The following KIF3A variants were observed in gnomAD, a reference collection of about 807,000 sequenced individuals.
KIF3A encodes kinesin family member 3A.
A neutral mutation model predicts 92.6 loss-of-function variants in KIF3A; 27 were observed. That is an observed-to-expected ratio of 0.29 (90% CI 0.21 to 0.40). KIF3A has a LOEUF of 0.40. KIF3A is among the 10% of genes least tolerant of loss of function. The pLI is 1.00. For missense variants in KIF3A, 581 were observed against 872.6 expected (o/e 0.67, Z 4.21); for synonymous variants, 250 against 275.4 (o/e 0.91, Z 0.92).
In KIF3A at chr5:132,702,142, C is replaced by T. The variant is rs751067708; in HGVS notation, c.1829G>A (p.Arg610Gln). The change falls in exon 15 of 19, where the codon CGG becomes CAG. Residue 610 changes from arginine to glutamine, a missense_variant. Physicochemically the swap from Arg to Gln is conservative, Grantham distance 43. Coordinates refer to ENST00000403231, the MANE Select transcript of KIF3A (RefSeq NM_001300791.2). Reference sequence around the variant, plus strand: ...AATAAGCATCTGAAGTCGAAGCTCCCGGCTAAGTTGCCGAATGTTCTCCAG... The same window carrying T: ...AATAAGCATCTGAAGTCGAAGCTCCTGGCTAAGTTGCCGAATGTTCTCCAG... ...GLLENIRQLS[R>Q]ELRLQMLIID... 5.6e-6 allele frequency: 9 copies of T among 1,613,804 alleles called. No homozygotes were observed. Among genetic ancestry groups the T allele is most frequent in the African/African-American group, 2.7e-5 (2 of 75,038 alleles).
chr5:132,691,331 T>C (rs1752658525), downstream of KIF3A, among the ~76,000 whole-genome samples: 1 of 152,144 alleles, frequency 6.6e-6, no homozygotes, highest in Admixed American at 6.6e-5. Flanking sequence ...GTGGATCACC[T>C]GAGGTTGGGA....
At chr5:132,736,241 A>G (rs1242856834) in intron 1 of KIF3A, among the ~76,000 whole-genome samples, 2 of 152,246 alleles carry the variant, frequency 1.3e-5, no homozygotes, top group East Asian at 3.8e-4. Context: ...TTTGGTTCAT[A>G]GTATTTAAAG....
At chr5:132,708,024 C>T (rs1439494525) in intron 10 of KIF3A, among the ~76,000 whole-genome samples, 2 of 152,136 alleles carry the variant, frequency 1.3e-5, no homozygotes, top group East Asian at 1.9e-4. Context: ...TGGCTCACGC[C>T]TATAATCCCA....
In KIF3A at chr5:132,696,524, A is replaced by G. The variant is rs1752842734; in HGVS notation, c.*110T>C. ...TATTTCCAGTCTTATTCATTGATCTACAACTTCCATTAATTGAAATTATAG... is the reference window on the plus strand; with the variant it reads ...TATTTCCAGTCTTATTCATTGATCTGCAACTTCCATTAATTGAAATTATAG... On this transcript the variant is annotated 3_prime_UTR_variant, in exon 19 of 19. Transcript: ENST00000403231. 1 of 708,412 alleles carries G rather than the reference A, an allele frequency of 1.4e-6. No individual in the cohort carries two copies. Among genetic ancestry groups the G allele is most frequent in the Non-Finnish European group, 2.5e-6 (1 of 395,498 alleles). 43.9% of individuals were successfully genotyped at this position (708,412 alleles called of 1,614,324 possible).
In KIF3A at chr5:132,720,716, T is replaced by C; in HGVS notation, c.511-2A>G. 1 of 1,527,302 alleles carries C rather than the reference T, an allele frequency of 6.5e-7. No homozygotes were observed. Among genetic ancestry groups the C allele is most frequent in the Non-Finnish European group, 9.0e-7 (1 of 1,113,868 alleles). The allele number at this position is 1,527,302 out of a possible 1,614,324, so 94.6% of individuals were successfully genotyped here. On this transcript the variant is annotated splice_acceptor_variant, in intron 4 of 18. Transcript: ENST00000403231. LOFTEE classifies it high-confidence loss of function. ...TCCCACATCAGGTCTTTCTTTAACC[T>C]AAAAAAAAATTAAGACTTTATACTA...
rs749854047 is a variant in KIF3A at position 132,720,625 on chromosome 5, C to T, written c.600G>A (p.Thr200=). ...NNADDMDRIM[T]LGHKNRSVGA... is the part of the protein sequence containing the mutation. ...TATACTTACGATTTTTGTGGCCTAG[C>T]GTCATAATTCTATCCATATCATCAG... The change falls in exon 5 of 19, where the codon ACG becomes ACA. Residue 200 remains threonine, a synonymous_variant. Coordinates refer to ENST00000403231, the MANE Select transcript of KIF3A (RefSeq NM_001300791.2). The T allele has an allele frequency of 2.1e-5, 34 of 1,605,732 alleles. No homozygotes were observed. The highest frequency in any genetic ancestry group is 2.6e-5 in the Non-Finnish European group (30 of 1,174,534).
intron 4 of KIF3A, among the ~76,000 whole-genome samples, chr5:132,724,734 T>C (rs1240235098): frequency 1.4e-5 from 2 of 145,740 alleles, no homozygotes; most frequent in African/African-American, 5.2e-5. Context: ...ATGGCACATG[T>C]ATACATATGT....
rs1752733776 is a variant in KIF3A at position 132,693,645 on chromosome 5, A to G, written c.*2989T>C. On this transcript the variant is annotated 3_prime_UTR_variant, in exon 19 of 19. Transcript: ENST00000403231. Reference sequence around the variant, plus strand: ...AATTGCTATGACTGGAGCTAAATGAATAGCTCTGAAGTCAGTGTCCCATAT... The same window carrying G: ...AATTGCTATGACTGGAGCTAAATGAGTAGCTCTGAAGTCAGTGTCCCATAT... 1 of 152,760 alleles carries G rather than the reference A, an allele frequency of 6.5e-6. No homozygotes were observed. Among genetic ancestry groups the G allele is most frequent in the African/African-American group, 2.4e-5 (1 of 41,438 alleles). 9.5% of individuals were successfully genotyped at this position (152,760 alleles called of 1,614,324 possible).
intron 1 of KIF3A, chr5:132,736,810 G>C: frequency 2.2e-6 from 1 of 446,014 alleles, no homozygotes; most frequent in Non-Finnish European, 4.5e-6. Context: ...CCTAATAAGG[G>C]GTCTTAGAAG....
intron 1 of KIF3A, chr5:132,736,694 T>C (rs747314415): frequency 1.9e-5 from 8 of 416,186 alleles, no homozygotes; most frequent in Non-Finnish European, 3.4e-5. Context: ...AACAACCCCA[T>C]GAGGTAAAGT....
chr5:132,717,869 T>C (rs1753683873), intron 5 of KIF3A, among the ~76,000 whole-genome samples: 1 of 152,168 alleles, frequency 6.6e-6, no homozygotes, highest in African/African-American at 2.4e-5. Context: ...ATTAAAAGGG[T>C]AATCTTTAAT....
At chr5:132,717,265 C>CA (rs1157817029) in intron 5 of KIF3A, among the ~76,000 whole-genome samples, 1 of 151,862 alleles carries the variant, frequency 6.6e-6, no homozygotes, top group African/African-American at 2.4e-5. Flanking sequence ...TAATTTACAC[C>CA]AAAAAACCAC....
Position 132,703,494 on chromosome 5 carries a change from C to T in KIF3A, c.1435G>A (p.Glu479Lys), listed in dbSNP as rs150701108. ...TTAAGAAGATCTTTTTCCCGTTTCT[C>T]TAATTCAGCTCTAGCCTTGTTTCTT... The part of the protein sequence containing the change: ...EERNKARAEL[E>K]KREKDLLKAQ... Residue 479 changes from glutamate to lysine, a missense_variant, in exon 12 of 19, where the codon GAG becomes AAG. By Grantham distance (56) the Glu-to-Lys change is moderately conservative (BLOSUM62 1). Transcript: ENST00000403231. The T allele has an allele frequency of 3.7e-6, 6 of 1,611,590 alleles. No individual in the cohort carries two copies. In the African/African-American group the frequency reaches 4.0e-5, roughly 11 times the overall value.
At chr5:132,728,030 T>C (rs1754096042) in intron 2 of KIF3A, among the ~76,000 whole-genome samples, 1 of 152,220 alleles carries the variant, frequency 6.6e-6, no homozygotes, top group African/African-American at 2.4e-5. Context: ...ACTGACTAAG[T>C]ATTTCAAACT....
intron 11 of KIF3A, among the ~76,000 whole-genome samples, chr5:132,705,916 C>T (rs988363212): frequency 5.9e-5 from 9 of 151,908 alleles, no homozygotes; most frequent in Non-Finnish European, 1.2e-4. Context: ...AAAAAGAAAT[C>T]TATTTCTAAC....
chr5:132,702,394 A>C (rs1753070272), intron 14 of KIF3A, among the ~76,000 whole-genome samples, 164 bp downstream of exon 14: 1 of 152,236 alleles, frequency 6.6e-6, no homozygotes, highest in Admixed American at 6.5e-5. Flanking sequence ...GTTGAAAAGA[A>C]ACAATTTAGA....
intron 4 of KIF3A, chr5:132,721,585 T>A (rs918370046): frequency 2.2e-4 from 33 of 152,236 alleles, no homozygotes; most frequent in African/African-American, 7.5e-4. Context: ...CACTCAACAT[T>A]CCAGTCGTTG....
chr5:132,703,688 C>A, intron 11 of KIF3A, 69 bp from the exon 12 acceptor site: 1 of 1,148,826 alleles, frequency 8.7e-7, no homozygotes, highest in Non-Finnish European at 1.2e-6. Context: ...TAAATTACCT[C>A]CTTCAATATA....
chr5:132,735,470 C>T (rs1754360459), intron 1 of KIF3A, among the ~76,000 whole-genome samples: 1 of 152,126 alleles, frequency 6.6e-6, no homozygotes, highest in Non-Finnish European at 1.5e-5. Context: ...TTGTTAAATT[C>T]CTACTGTTTC....
Sources: gnomAD v4.1 joint callset for allele counts (sites outside exome capture counted in the v4.1 genomes callset) on GRCh38, gnomAD v4.1.1 for gene constraint, MANE v1.5 for transcripts, NCBI Gene and HGNC (gene_info 2026-07-23, HGNC 2026-07-21) for gene names.